Variants in ALDH1A2 observed in about 807,000 individuals in gnomAD.
ALDH1A2 encodes aldehyde dehydrogenase 1 family member A2, also known as retinal dehydrogenase 2.
A neutral mutation model predicts 60.3 loss-of-function variants in ALDH1A2; 27 were observed. That is an observed-to-expected ratio of 0.45 (90% CI 0.33 to 0.62). The LOEUF (loss-of-function observed/expected upper bound fraction) is 0.62, where lower values mean the gene tolerates loss of function less well. Ranked by LOEUF, ALDH1A2 falls within the 20% of genes least tolerant of loss-of-function variation. The pLI is 0.02. For synonymous variants in ALDH1A2, 289 were observed against 232.4 expected (o/e 1.24, Z -2.21); for missense variants, 581 against 643.8 (o/e 0.90, Z 1.06).
intron 1 of ALDH1A2, among the ~76,000 whole-genome samples, chr15:58,064,379 T>G (rs1897118810): frequency 6.6e-6 from 1 of 152,212 alleles, no homozygotes; most frequent in Admixed American, 6.5e-5. Flanking sequence ...TCGCCCTGAT[T>G]TGTAACCTAA....
intron 1 of ALDH1A2, among the ~76,000 whole-genome samples, chr15:58,039,581 A>G (rs1391428621): frequency 1.3e-5 from 2 of 151,842 alleles, no homozygotes; most frequent in African/African-American, 4.8e-5. Flanking sequence ...TTAAGCATAT[A>G]TATTTAAATA....
chr15:58,006,852 A>G, intron 4 of ALDH1A2, among the ~76,000 whole-genome samples: 1 of 63,418 alleles, frequency 1.6e-5, no homozygotes. Context: ...TTCAGCTCTC[A>G]TATTGTTAAA....
rs1280778032 is a variant in ALDH1A2 at position 57,983,456 on chromosome 15, C to T, written c.798+9249G>A. Among the ~76,000 whole-genome samples the T allele has an allele frequency of 7.9e-5, 12 of 152,252 alleles. No homozygotes were observed. The East Asian group carries it at 2.1e-3, about 27-fold the overall frequency. On this transcript the variant is annotated intron_variant, in intron 7 of 12. Coordinates refer to ENST00000249750, the MANE Select transcript of ALDH1A2 (RefSeq NM_003888.4). ...GATTAATGTTAAGAGAAAAGGAAGA[C>T]AGCCTTAAATTCTTGCCAGTTGTGA...
chr15:58,050,562 C>T (rs1462921369), intron 1 of ALDH1A2, among the ~76,000 whole-genome samples: 6 of 151,978 alleles, frequency 3.9e-5, no homozygotes, highest in Non-Finnish European at 5.9e-5. Flanking sequence ...GTATGTGTTC[C>T]AAGAATGGTA....
chr15:57,979,544 G>A (rs1376635190), intron 7 of ALDH1A2, among the ~76,000 whole-genome samples: 3 of 152,080 alleles, frequency 2.0e-5, no homozygotes, highest in African/African-American at 4.8e-5. Flanking sequence ...TCATTCCTGC[G>A]AAGGACCAAG....
chr15:57,992,622 A>G lies in ALDH1A2; in HGVS notation c.798+83T>C, dbSNP rs536762797. On this transcript the variant is annotated intron_variant, in intron 7 of 12. Transcript: ENST00000249750. The stretch of plus-strand genomic sequence containing the variant: ...TCACTGCCCTTTTGGTGTCTAGCCT[A>G]TGGGTACTAGTTTTATTGTTTTTGT... 3.1e-5 allele frequency: 40 copies of G among 1,280,578 alleles called. No homozygotes were observed. In the African/African-American group the frequency reaches 4.5e-4, roughly 15 times the overall value. 79.3% of individuals were successfully genotyped at this position (1,280,578 alleles called of 1,614,324 possible).
At chr15:58,062,944 A>G (rs777632696) in intron 1 of ALDH1A2, among the ~76,000 whole-genome samples, 15 of 152,210 alleles carry the variant, frequency 9.9e-5, no homozygotes, top group Admixed American at 3.3e-4. Flanking sequence ...ATTCTGGAGC[A>G]TTTCCACTGG....
chr15:57,968,040 G>C (rs1365625902), intron 7 of ALDH1A2, among the ~76,000 whole-genome samples: 1 of 152,172 alleles, frequency 6.6e-6, no homozygotes, highest in South Asian at 2.1e-4. Context: ...TCAGGGAGGG[G>C]TGTTCCCTGA....
intron 1 of ALDH1A2, among the ~76,000 whole-genome samples, chr15:58,057,706 G>C (rs1175839903): frequency 6.6e-6 from 1 of 152,040 alleles, no homozygotes; most frequent in East Asian, 1.9e-4. Flanking sequence ...ATGAACAATA[G>C]CTACTGTGTG....
At chr15:57,982,894 A>T (rs1894563447) in intron 7 of ALDH1A2, among the ~76,000 whole-genome samples, 1 of 152,122 alleles carries the variant, frequency 6.6e-6, no homozygotes, top group Non-Finnish European at 1.5e-5. Context: ...TGAGCATGTC[A>T]TGTTCAGTGT....
chr15:58,014,303 T>A, intron 1 of ALDH1A2, 22 bp from the exon 2 acceptor site: 1 of 1,586,750 alleles, frequency 6.3e-7, no homozygotes, highest in Non-Finnish European at 8.7e-7. Flanking sequence ...GATAACAGAA[T>A]GGGATCTGTG....
rs1893874841 is a variant in ALDH1A2, at chr15:57,965,775, G to A, written c.851C>T (p.Thr284Ile). Residue 284 changes from threonine to isoleucine, a missense_variant, in exon 8 of 13, where the codon ACT becomes ATT. Physicochemically the swap from Thr to Ile is moderately conservative, Grantham distance 89 (BLOSUM62 -1). Transcript: ENST00000249750. Reference sequence around the variant, plus strand: ...AGGACTTTTGCCTCCAAGTTCCAGAGTTACTCTCTTCAAATTACTTCTTCC... The same window carrying A: ...AGGACTTTTGCCTCCAAGTTCCAGAATTACTCTCTTCAAATTACTTCTTCC... ...AAGRSNLKRV[T>I]LELGGKSPNI... The A allele has an allele frequency of 6.2e-7, 1 of 1,614,064 alleles. No individual in the cohort carries two copies. Among genetic ancestry groups the A allele is most frequent in the Admixed American group, 1.7e-5 (1 of 60,004 alleles).
At chr15:57,989,376 A>C (rs989664616) in intron 7 of ALDH1A2, among the ~76,000 whole-genome samples, 35 of 152,208 alleles carry the variant, frequency 2.3e-4, no homozygotes, top group African/African-American at 8.2e-4. Flanking sequence ...ATGTTATGCC[A>C]ATCAAAATTC....
chr15:57,978,770 C>T (rs1425653168), intron 7 of ALDH1A2, among the ~76,000 whole-genome samples: 1 of 152,156 alleles, frequency 6.6e-6, no homozygotes, highest in Non-Finnish European at 1.5e-5. Context: ...GGCACGGTGG[C>T]TCACGCCTGT....
At chr15:57,984,830 C>T (rs1264581039) in intron 7 of ALDH1A2, among the ~76,000 whole-genome samples, 2 of 152,126 alleles carry the variant, frequency 1.3e-5, no homozygotes, top group Non-Finnish European at 2.9e-5. Flanking sequence ...CATTTTTGTA[C>T]ATGTTTCTGT....
At chr15:58,065,466 G>A (rs1897152196) in intron 1 of ALDH1A2, 68 bp downstream of exon 1, 1 of 1,345,028 alleles carries the variant, frequency 7.4e-7, no homozygotes, top group South Asian at 1.2e-5. Flanking sequence ...ACCCGCTGAA[G>A]AGATCGGGGA....
chr15:57,973,215 G>A lies in ALDH1A2; in HGVS notation c.799-7388C>T, dbSNP rs557314843. Among the ~76,000 whole-genome samples, 5 of 152,256 alleles carry A rather than the reference G, an allele frequency of 3.3e-5. No individual in the cohort carries two copies. In the East Asian group the frequency reaches 9.6e-4, roughly 29 times the overall value. On this transcript the variant is annotated intron_variant, in intron 7 of 12. Transcript: ENST00000249750. Reference sequence around the variant, plus strand: ...TGTTTTCCTGTACTTTATTGAAGTTGTTTATTGACTTGTGTTTATAAGAGC... The same window carrying A: ...TGTTTTCCTGTACTTTATTGAAGTTATTTATTGACTTGTGTTTATAAGAGC...
intron 1 of ALDH1A2, among the ~76,000 whole-genome samples, chr15:58,021,620 T>C (rs1318398374): frequency 2.0e-5 from 3 of 152,216 alleles, no homozygotes; most frequent in Non-Finnish European, 4.4e-5. Flanking sequence ...CCCACATCCT[T>C]TCTGAGACCT....
At chr15:58,017,149 A>C (rs1203794978) in intron 1 of ALDH1A2, among the ~76,000 whole-genome samples, 1 of 152,182 alleles carries the variant, frequency 6.6e-6, no homozygotes, top group Admixed American at 6.5e-5. Flanking sequence ...TTACAAAGAC[A>C]AAAAGGAAAC....
Sources: allele counts gnomAD v4.1 joint callset (sites outside exome capture counted in the v4.1 genomes callset), GRCh38; gene constraint gnomAD v4.1.1; transcripts MANE v1.5; gene names NCBI Gene and HGNC (gene_info 2026-07-23, HGNC 2026-07-21).